The following RBFOX1 variants were observed in gnomAD, a reference collection of about 807,000 sequenced individuals.
RBFOX1 encodes RNA binding fox-1 homolog 1.
RBFOX1 carries 8 observed loss-of-function variants against 57.7 expected under a neutral mutation model. The observed-to-expected ratio is 0.14, with a 90% CI of 0.08 to 0.25. The LOEUF is 0.25. Ranked by LOEUF, RBFOX1 falls within the 10% of genes least tolerant of loss-of-function variation. The pLI is 1.00. For missense variants in RBFOX1, 611 were observed against 548.5 expected (o/e 1.11, Z -1.14); for synonymous variants, 326 against 222.4 (o/e 1.47, Z -4.15).
At chr16:6,419,440 C>A (rs964092904) in intron 2 of RBFOX1, among the ~76,000 whole-genome samples, 1 of 152,132 alleles carries the variant, frequency 6.6e-6, no homozygotes, top group Non-Finnish European at 1.5e-5. Flanking sequence ...GCTCAATAAA[C>A]ATTGAAGGGA....
At chr16:7,575,094 G>C (rs997926216) in intron 5 of RBFOX1, among the ~76,000 whole-genome samples, 4 of 151,936 alleles carry the variant, frequency 2.6e-5, no homozygotes, top group African/African-American at 9.7e-5. Context: ...TGTAACTAAG[G>C]ATCAACACAA....
chr16:6,908,427 GATAC>G (rs2070661394), intron 3 of RBFOX1, among the ~76,000 whole-genome samples: 1 of 146,100 alleles, frequency 6.8e-6, no homozygotes. Flanking sequence ...CTTTTCCACT[GATAC>G]CTCTGGCCTC....
At chr16:5,625,247 A>G (rs985828580) in intron 3 of RBFOX1, among the ~76,000 whole-genome samples, 1 of 152,126 alleles carries the variant, frequency 6.6e-6, no homozygotes, top group African/African-American at 2.4e-5. Context: ...GATCTGTAGC[A>G]GGACCTGGGC....
chr16:6,864,923 GA>G (rs2059636643), intron 3 of RBFOX1, among the ~76,000 whole-genome samples: 1 of 149,122 alleles, frequency 6.7e-6, no homozygotes, highest in Non-Finnish European at 1.5e-5. Flanking sequence ...CTGATAAATC[GA>G]AAACACAAAG....
chr16:6,813,460 T>C (rs1176431524), intron 3 of RBFOX1, among the ~76,000 whole-genome samples: 2 of 152,116 alleles, frequency 1.3e-5, no homozygotes, highest in African/African-American at 4.8e-5. Flanking sequence ...CAGCTCCTTC[T>C]TAGGTTTTCT....
chr16:6,864,547 C>T (rs928695406), intron 3 of RBFOX1, among the ~76,000 whole-genome samples: 40 of 139,530 alleles, frequency 2.9e-4, no homozygotes, highest in African/African-American at 9.1e-4. Flanking sequence ...TCTCCTTCCT[C>T]TTTTTTTTTT....
intron 1 of RBFOX1, among the ~76,000 whole-genome samples, chr16:6,316,057 T>C (rs2081079158): frequency 6.6e-6 from 1 of 152,186 alleles, no homozygotes; most frequent in South Asian, 2.1e-4. Context: ...TGGCGTAAAT[T>C]GTACTGCTGC....
At chr16:6,535,384 C>A (rs1423854238) in intron 2 of RBFOX1, among the ~76,000 whole-genome samples, 1 of 152,128 alleles carries the variant, frequency 6.6e-6, no homozygotes, top group Non-Finnish European at 1.5e-5. Context: ...GACGAAGATT[C>A]ACTAGAAGTC....
intron 1 of RBFOX1, among the ~76,000 whole-genome samples, chr16:6,235,658 G>T (rs2097500600): frequency 6.6e-6 from 1 of 151,604 alleles, no homozygotes; most frequent in Non-Finnish European, 1.5e-5. Flanking sequence ...ATATGTATAT[G>T]ATAGGATGCT....
chr16:7,567,773 C>G (rs1334646293), intron 5 of RBFOX1, among the ~76,000 whole-genome samples: 1 of 147,188 alleles, frequency 6.8e-6, no homozygotes, highest in Admixed American at 6.9e-5. Context: ...ATATATCCCT[C>G]TCTATATATA....
intron 4 of RBFOX1, among the ~76,000 whole-genome samples, chr16:5,965,858 G>A (rs576108887): frequency 6.6e-5 from 10 of 151,952 alleles, no homozygotes; most frequent in African/African-American, 9.7e-5. Context: ...GTCTTTCTAC[G>A]TCAATCCTCC....
chr16:5,291,693 A>C (rs1166645087), intron 1 of RBFOX1, among the ~76,000 whole-genome samples: 1 of 152,208 alleles, frequency 6.6e-6, no homozygotes, highest in African/African-American at 2.4e-5. Flanking sequence ...CCAGGGGAAA[A>C]CACAGGCCAG....
chr16:7,458,277 C>T (rs2058917146), intron 4 of RBFOX1, among the ~76,000 whole-genome samples: 1 of 152,108 alleles, frequency 6.6e-6, no homozygotes, highest in African/African-American at 2.4e-5. Context: ...CATGTGAATG[C>T]AGGAATTATG....
chr16:6,679,083 G>C (rs1192617047), intron 3 of RBFOX1, among the ~76,000 whole-genome samples: 1 of 152,070 alleles, frequency 6.6e-6, no homozygotes, highest in Non-Finnish European at 1.5e-5. Flanking sequence ...TTTTTGAACA[G>C]AGAGAGAGGG....
At chr16:7,052,986 G>A (rs775630525) in intron 4 of RBFOX1, among the ~76,000 whole-genome samples, 13 of 152,166 alleles carry the variant, frequency 8.5e-5, no homozygotes, top group Non-Finnish European at 1.9e-4. Flanking sequence ...CCACAACAGT[G>A]GGATTTGGCG....
At chr16:6,536,314 A>G (rs2096734798) in intron 2 of RBFOX1, among the ~76,000 whole-genome samples, 1 of 152,218 alleles carries the variant, frequency 6.6e-6, no homozygotes, top group Non-Finnish European at 1.5e-5. Context: ...AAGGAAAAAA[A>G]TAGATATCAC....
chr16:5,584,617 C>G (rs979208073), intron 2 of RBFOX1, among the ~76,000 whole-genome samples: 7 of 152,166 alleles, frequency 4.6e-5, no homozygotes, highest in African/African-American at 1.4e-4. Flanking sequence ...GCAGGTGGGT[C>G]ATTGTCTCCT....
chr16:5,745,315 G>T (rs545965416), intron 3 of RBFOX1, among the ~76,000 whole-genome samples: 1 of 152,170 alleles, frequency 6.6e-6, no homozygotes, highest in Non-Finnish European at 1.5e-5. Flanking sequence ...GTGTATATGT[G>T]CCACAATTTC....
intron 1 of RBFOX1, among the ~76,000 whole-genome samples, chr16:6,205,920 G>T (rs1199473958): frequency 1.0e-5 from 1 of 98,944 alleles, no homozygotes; most frequent in African/African-American, 4.0e-5. Flanking sequence ...AGATGATTTT[G>T]ATGTTTTTGA....
Sources: gnomAD v4.1 joint callset for allele counts (sites outside exome capture counted in the v4.1 genomes callset) on GRCh38, gnomAD v4.1.1 for gene constraint, MANE v1.5 for transcripts, NCBI Gene and HGNC (gene_info 2026-07-23, HGNC 2026-07-21) for gene names.